Variants in ZCCHC14 observed in about 807,000 individuals in gnomAD.
The protein encoded by ZCCHC14 is zinc finger CCHC domain-containing protein 14.
Under a neutral mutation model 85.0 loss-of-function variants are expected in ZCCHC14, and 16 were observed. The ratio of observed to expected loss-of-function variants is 0.19; its 90% confidence interval spans 0.13 to 0.29. The LOEUF (loss-of-function observed/expected upper bound fraction) is 0.29. Ranked by LOEUF, ZCCHC14 falls within the 10% of genes least tolerant of loss-of-function variation. The pLI, the probability that ZCCHC14 is intolerant of heterozygous loss-of-function variation, is 1.00. For synonymous variants in ZCCHC14, 775 were observed against 630.7 expected, an observed-to-expected ratio of 1.23 and a Z score of -3.43; for missense variants, 1,303 against 1,443.5, an observed-to-expected ratio of 0.90 and a Z score of 1.58.
chr16:87,453,069 C>G (rs1331695063), intron 2 of ZCCHC14, among the ~76,000 whole-genome samples: 1 of 152,204 alleles, frequency 6.6e-6, no homozygotes, highest in Non-Finnish European at 1.5e-5. Flanking sequence ...AATAGAGGGG[C>G]AGATTGGCTT....
chr16:87,439,300 A>G (rs1210135163), intron 2 of ZCCHC14, among the ~76,000 whole-genome samples: 1 of 151,894 alleles, frequency 6.6e-6, no homozygotes, highest in African/African-American at 2.4e-5. Context: ...TGCCCAGCTA[A>G]TTTTTGTATT....
intron 3 of ZCCHC14, among the ~76,000 whole-genome samples, chr16:87,424,428 G>A (rs1597407143): frequency 6.9e-6 from 1 of 145,438 alleles, no homozygotes; most frequent in East Asian, 1.9e-4. Context: ...GGGCAGCAGT[G>A]ATCACTGCTG....
Position 87,420,676 on chromosome 16 carries a change from ATGAGT to A in ZCCHC14, c.876_880del (p.Lys292AsnfsTer37). On this transcript the variant is annotated frameshift_variant, in exon 5 of 13. Transcript: ENST00000671377. LOFTEE classifies it high-confidence loss of function. This position sits in a 1 kb window ranked among gnomAD's most constrained non-coding sequence, Gnocchi z 5.0. ...TGCGTCCGGACCAGCTAAGCAAGGA[ATGAGT>A]TTCTCCAAGTTCTCTTCAGGATAGA... 6.2e-7 allele frequency: 1 copy of A among 1,613,700 alleles called. No homozygotes were observed. Among genetic ancestry groups the A allele is most frequent in the Non-Finnish European group, 8.5e-7 (1 of 1,179,762 alleles).
Position 87,406,745 on chromosome 16 carries a change from G to T in ZCCHC14, c.*3535C>A, listed in dbSNP as rs1281360479. On this transcript the variant is annotated 3_prime_UTR_variant, in exon 13 of 13. Transcript: ENST00000671377. ...ACAGTATATGGTTTTCTAGAATATT[G>T]CGAGTGTTGAGTGTTGATTAAAGAT... 2.0e-5 allele frequency: 3 copies of T among 152,214 alleles called. No individual in the cohort carries two copies. The highest frequency in any genetic ancestry group is 7.2e-5 in the African/African-American group (3 of 41,440). The allele number at this position is 152,214 out of a possible 1,614,324, so 9.4% of individuals were successfully genotyped here. A position where few individuals can be genotyped will look rare whatever the true frequency, so the allele number is the denominator to read the frequency against.
chr16:87,439,669 A>G (rs1413526490), intron 2 of ZCCHC14, among the ~76,000 whole-genome samples: 1 of 152,228 alleles, frequency 6.6e-6, no homozygotes, highest in African/African-American at 2.4e-5. Flanking sequence ...TGTAGGTATA[A>G]CTATGAGATA....
intron 1 of ZCCHC14, among the ~76,000 whole-genome samples, chr16:87,478,510 TGTGA>T (rs922521392): frequency 4.0e-4 from 61 of 152,312 alleles, no homozygotes; most frequent in African/African-American, 1.4e-3. Flanking sequence ...GTGCAAGTTC[TGTGA>T]GTATCTATTT....
At position 87,412,296 on chromosome 16, in the gene ZCCHC14, G is replaced by A. The variant is rs954094464; in HGVS notation, c.2425C>T (p.Pro809Ser). ...TTGGCTGTGTACAGAGCAGTCCGGGGGTTTATTATTGCAGGGGGCACACTT... is the reference window on the plus strand; with the variant it reads ...TTGGCTGTGTACAGAGCAGTCCGGGAGTTTATTATTGCAGGGGGCACACTT... The part of the protein sequence containing the change: ...QISVPPAIIN[P>S]RTALYTANTK... Residue 809 changes from proline (P) to serine (S), a missense_variant, in exon 12 of 13, where the codon CCC (proline) becomes TCC (serine). By Grantham distance (74) the Pro-to-Ser change is moderately conservative (BLOSUM62 -1). Around this residue, in one of 7 missense-constraint regions of ZCCHC14, gnomAD observed 797 missense variants for 730.8 expected, o/e 1.09. Coordinates refer to ENST00000671377, the MANE Select transcript of ZCCHC14 (RefSeq NM_015144.3). 5.0e-6 allele frequency: 8 copies of A among 1,613,804 alleles called. No individual in the cohort carries two copies. The highest frequency in any genetic ancestry group is 6.8e-6 in the Non-Finnish European group (8 of 1,180,050).
At chr16:87,438,124 G>A (rs1910017499) in intron 2 of ZCCHC14, among the ~76,000 whole-genome samples, 1 of 152,234 alleles carries the variant, frequency 6.6e-6, no homozygotes, top group African/African-American at 2.4e-5. Context: ...AGTAGCTTAG[G>A]AGAAACTCCA....
rs953846653 is a variant in ZCCHC14, at chr16:87,492,517, G to C, written c.-279C>G. 1 of 144,966 alleles carries C rather than the reference G, an allele frequency of 6.9e-6. No individual in the cohort carries two copies. The highest frequency in any genetic ancestry group is 1.5e-5 in the Non-Finnish European group (1 of 65,420). The allele number at this position is 144,966 out of a possible 1,614,324, so 9.0% of individuals were successfully genotyped here. A position where few individuals can be genotyped will look rare whatever the true frequency, so the allele number is the denominator to read the frequency against. ...GCGGCCGGGGGCGGCGAGCGGCCTC[G>C]GGCCCCCCGCTCACGGGGAGGCGCC... On this transcript the variant is annotated 5_prime_UTR_variant, in exon 1 of 13. Transcript: ENST00000671377. The surrounding 1 kb of genome is among the most constrained non-coding windows in gnomAD (Gnocchi z 6.7).
chr16:87,412,171 G>T lies in ZCCHC14; in HGVS notation c.2550C>A (p.Pro850=), dbSNP rs1371288730. ...NSNTASPSSH[P]STSFANMATL... is the part of the protein sequence containing the mutation. ...TGGCCATGTTGGCAAAGGACGTGGAGGGGTGGCTGCTGGGAGAGGCAGTGT... is the reference window on the plus strand; with the variant it reads ...TGGCCATGTTGGCAAAGGACGTGGATGGGTGGCTGCTGGGAGAGGCAGTGT... Residue 850 remains proline (P), a synonymous_variant, in exon 12 of 13, where the codon CCC becomes CCA. Transcript: ENST00000671377. The T allele has an allele frequency of 1.2e-6, 2 of 1,613,968 alleles. No individual in the cohort carries two copies. Among genetic ancestry groups the T allele is most frequent in the Non-Finnish European group, 1.7e-6 (2 of 1,180,054 alleles).
intron 2 of ZCCHC14, among the ~76,000 whole-genome samples, chr16:87,446,834 C>T (rs926890497): frequency 2.0e-5 from 3 of 152,020 alleles, no homozygotes; most frequent in Admixed American, 6.6e-5. Flanking sequence ...CAGGCACACA[C>T]CACCATGCCT....
chr16:87,441,393 G>C (rs1295516212), intron 2 of ZCCHC14, among the ~76,000 whole-genome samples: 1 of 152,170 alleles, frequency 6.6e-6, no homozygotes, highest in Non-Finnish European at 1.5e-5. Flanking sequence ...GGGGTCAGAA[G>C]AAGTATTTAT....
intron 1 of ZCCHC14, among the ~76,000 whole-genome samples, chr16:87,476,555 T>C (rs1912012646): frequency 6.6e-6 from 1 of 151,876 alleles, no homozygotes; most frequent in Admixed American, 6.6e-5. Flanking sequence ...AAGCAGACTG[T>C]GTAAAGTTCA....
intron 1 of ZCCHC14, among the ~76,000 whole-genome samples, chr16:87,462,916 A>C (rs1485520791): frequency 6.6e-6 from 1 of 151,956 alleles, no homozygotes; most frequent in Non-Finnish European, 1.5e-5. Flanking sequence ...TAAAAATACG[A>C]AATTAGCCAG....
chr16:87,435,472 A>G (rs1909876937), intron 2 of ZCCHC14, among the ~76,000 whole-genome samples: 1 of 152,204 alleles, frequency 6.6e-6, no homozygotes, highest in Non-Finnish European at 1.5e-5. Context: ...CCGTGATACC[A>G]TGGCTGAGGA....
At chr16:87,449,662 G>A (rs1910602393) in intron 2 of ZCCHC14, among the ~76,000 whole-genome samples, 1 of 152,142 alleles carries the variant, frequency 6.6e-6, no homozygotes. Context: ...TCCCAACAAT[G>A]AGAAACCACT....
In ZCCHC14 at chr16:87,465,652, T is replaced by C. The variant is rs796681795; in HGVS notation, c.571-5521A>G. Among the ~76,000 whole-genome samples the C allele has an allele frequency of 4.6e-5, 7 of 152,342 alleles. 1 individual carries two copies. Among genetic ancestry groups the C allele is most frequent in the African/African-American group, 1.7e-4 (7 of 41,578 alleles). On this transcript the variant is annotated intron_variant, in intron 1 of 12. Transcript: ENST00000671377. ...AGGCCTCTGCTTCCAAACTTTAATG[T>C]GCAAAATGCCTCCGGATCTGGCTGA...
Position 87,491,674 on chromosome 16 carries a change from G to A in ZCCHC14, c.565C>T (p.His189Tyr). 2.1e-6 allele frequency: 3 copies of A among 1,415,080 alleles called. No homozygotes were observed. The highest frequency in any genetic ancestry group is 2.8e-6 in the Non-Finnish European group (3 of 1,090,852). The allele number at this position is 1,415,080 out of a possible 1,614,324, so 87.7% of individuals were successfully genotyped here. A position where few individuals can be genotyped will look rare whatever the true frequency, so the allele number is the denominator to read the frequency against. ...GGALPTCPAC[H>Y]KITPRTEAPV... Reference sequence around the variant, plus strand: ...AGCTCGGGGCGGGCACGCACCTTGTGGCAGGCTGGGCAAGTGGGCAGCGCG... The same window carrying A: ...AGCTCGGGGCGGGCACGCACCTTGTAGCAGGCTGGGCAAGTGGGCAGCGCG... The change falls in exon 1 of 13, where the codon CAC becomes TAC. Residue 189 changes from histidine to tyrosine, a missense_variant. Around this residue, in one of 7 missense-constraint regions of ZCCHC14, gnomAD observed 389 missense variants for 397.8 expected, o/e 0.98. Transcript: ENST00000671377. The surrounding 1 kb of genome is among the most constrained non-coding windows in gnomAD (Gnocchi z 5.9).
rs1298853000 is a variant in ZCCHC14 at position 87,411,485 on chromosome 16, C to T, written c.3205+31G>A. On this transcript the variant is annotated intron_variant, in intron 12 of 12. Coordinates refer to ENST00000671377, the MANE Select transcript of ZCCHC14 (RefSeq NM_015144.3). ...TTTGTGTGCACTGGTCCTGCGGGAGCCTGGTGGGCGCGGCCATGGCGCGCG... is the reference window on the plus strand; with the variant it reads ...TTTGTGTGCACTGGTCCTGCGGGAGTCTGGTGGGCGCGGCCATGGCGCGCG... The T allele has an allele frequency of 3.1e-6, 5 of 1,610,128 alleles. No homozygotes were observed. The East Asian group carries it at 1.1e-4, about 36-fold the overall frequency.
Sources: gnomAD v4.1 joint callset for allele counts (sites outside exome capture counted in the v4.1 genomes callset) on GRCh38, gnomAD v4.1.1 for gene constraint, gnomAD v4.1.1 regional missense constraint, Gnocchi (gnomAD v3.1) non-coding constraint, MANE v1.5 for transcripts, NCBI Gene and HGNC (gene_info 2026-07-23, HGNC 2026-07-21) for gene names.